The following UPF3B variants were observed in gnomAD, a reference collection of about 807,000 sequenced individuals.
UPF3B encodes UPF3B regulator of nonsense mediated mRNA decay.
In UPF3B, 7 loss-of-function variants were observed where a neutral mutation model predicts 40.3. The ratio of observed to expected loss-of-function variants is 0.17; its 90% CI spans 0.10 to 0.33. UPF3B has a LOEUF of 0.33. UPF3B is among the 10% of genes least tolerant of loss of function. UPF3B has a pLI of 1.00. For synonymous variants in UPF3B, 117 were observed against 117.3 expected (o/e 1.00, Z 0.01); for missense variants, 229 against 358.9 (o/e 0.64, Z 2.93).
chrX:119,849,503 AAGAG>A (rs76336209), intron 3 of UPF3B, among the ~76,000 whole-genome samples: 4 of 101,359 alleles, frequency 3.9e-5, no homozygotes, highest in South Asian at 4.5e-4. Flanking sequence ...CAAAAAAAAA[AAGAG>A]AGAGAGAGAG....
chrX:119,847,165 T>C (rs1446752798), intron 3 of UPF3B, among the ~76,000 whole-genome samples: 2 of 112,232 alleles, frequency 1.8e-5, no homozygotes, highest in Non-Finnish European at 3.8e-5. Context: ...GGAACACTCA[T>C]GTATTGGTGG....
chrX:119,819,366 A>G (rs778039011), intron 4 of UPF3B, among the ~76,000 whole-genome samples: 2 of 110,889 alleles, frequency 1.8e-5, no homozygotes, highest in African/African-American at 6.5e-5. Context: ...CCTGCTTATT[A>G]TAAGAGTGTT....
chrX:119,829,296 G>A (rs1196876325), downstream of UPF3B, among the ~76,000 whole-genome samples: 1 of 112,435 alleles, frequency 8.9e-6, no homozygotes. Flanking sequence ...CTGAATTACA[G>A]GCGTCAGCCA....
intron 4 of UPF3B, 74 bp from the exon 5 acceptor site, chrX:119,843,375 G>T: frequency 1.4e-6 from 1 of 695,275 alleles, no homozygotes; most frequent in South Asian, 2.4e-5. Flanking sequence ...CTACAATACT[G>T]ATTTATCAAA....
intron 10 of UPF3B, among the ~76,000 whole-genome samples, chrX:119,836,796 G>A (rs1486109780): frequency 4.6e-5 from 5 of 107,891 alleles, no homozygotes; most frequent in African/African-American, 1.7e-4. Context: ...GACTACAGGC[G>A]CCCGCCACCA....
At chrX:119,820,269 G>C (rs2055902789) in intron 4 of UPF3B, among the ~76,000 whole-genome samples, 1 of 111,633 alleles carries the variant, frequency 9.0e-6, no homozygotes, top group Non-Finnish European at 1.9e-5. Context: ...TGAGCCTCCT[G>C]AGAAGTTTGG....
intron 5 of UPF3B, among the ~76,000 whole-genome samples, chrX:119,842,580 T>TCTCA (rs1556379941): frequency 2.0e-3 from 142 of 71,466 alleles, no homozygotes; most frequent in African/African-American, 8.2e-3. Context: ...ACTCCATCTC[T>TCTCA]CACACACACA....
chrX:119,845,427 A>G, intron 3 of UPF3B, 131 bp from the exon 4 acceptor site: 1 of 515,853 alleles, frequency 1.9e-6, no homozygotes, highest in East Asian at 3.7e-5. Flanking sequence ...CAAAGGCATA[A>G]AGCACACTGG....
chrX:119,824,177 G>A (rs759553900), intron 3 of UPF3B, among the ~76,000 whole-genome samples: 1,211 of 97,329 alleles, frequency 0.012, 15 homozygotes, highest in African/African-American at 0.044. Flanking sequence ...TTTCTCCAGC[G>A]ACACTTGCAG....
At chrX:119,843,148 T>G (rs761588356) in intron 5 of UPF3B, 43 bp downstream of exon 5, 10 of 896,449 alleles carry the variant, frequency 1.1e-5, no homozygotes, top group African/African-American at 2.0e-5. Context: ...ACTTAGGTAC[T>G]GTGATGAAAA....
chrX:119,843,369 A>C (rs2496213), intron 4 of UPF3B, 68 bp from the exon 5 acceptor site: 1 of 763,485 alleles, frequency 1.3e-6, no homozygotes, highest in African/African-American at 2.0e-5. Flanking sequence ...CATTATCTAC[A>C]ATACTGATTT....
Position 119,841,067 on chromosome X carries a change from T to C in UPF3B, c.807+9A>G, listed in dbSNP as rs368175358. On this transcript the variant is annotated intron_variant, in intron 7 of 10. Transcript: ENST00000276201. ...TAGCAACATGCAGTCAGTTTCAACA[T>C]TCTTATACCTTAATCTTTGGTTCAT... is the stretch of plus-strand genomic sequence containing the variant. The C allele has an allele frequency of 1.7e-6, 2 of 1,209,431 alleles. No individual in the cohort carries two copies. The highest frequency in any genetic ancestry group is 3.5e-5 in the African/African-American group (2 of 57,763).
At chrX:119,821,957 G>A (rs2055924939) in intron 4 of UPF3B, among the ~76,000 whole-genome samples, 1 of 111,995 alleles carries the variant, frequency 8.9e-6, no homozygotes, top group Non-Finnish European at 1.9e-5. Context: ...CATTGGTGCA[G>A]TTTCCTTCCT....
At chrX:119,813,587 A>T (rs2055841451) in intron 5 of UPF3B, among the ~76,000 whole-genome samples, 1 of 97,694 alleles carries the variant, frequency 1.0e-5, no homozygotes, top group Non-Finnish European at 2.0e-5. Context: ...TTTGAGATGG[A>T]GTCTCGCTCT....
rs751873643 is a variant in UPF3B, at chrX:119,845,305, A to G, written c.371-9T>C. 4 of 1,163,044 alleles carry G rather than the reference A, an allele frequency of 3.4e-6. No homozygotes were observed. The highest frequency in any genetic ancestry group is 4.7e-6 in the Non-Finnish European group (4 of 855,254). On this transcript the variant is annotated splice_polypyrimidine_tract_variant and intron_variant, in intron 3 of 10. Transcript: ENST00000276201. Reference sequence around the variant, plus strand: ...AGCGGGATATTCCTGACCTGTTTAGAAAAAAAATACCACACTTGCTATAAC... The same window carrying G: ...AGCGGGATATTCCTGACCTGTTTAGGAAAAAAATACCACACTTGCTATAAC...
intron 4 of UPF3B, among the ~76,000 whole-genome samples, chrX:119,817,903 C>CT (rs2147758999): frequency 8.9e-6 from 1 of 111,802 alleles, no homozygotes; most frequent in South Asian, 3.7e-4. Context: ...AAATGGATAA[C>CT]TTGTAAGAAA....
At chrX:119,842,656 CAAAA>C (rs200315909) in intron 5 of UPF3B, among the ~76,000 whole-genome samples, 1 of 104,339 alleles carries the variant, frequency 9.6e-6, no homozygotes, top group African/African-American at 3.6e-5. Context: ...AGCAAGCAAG[CAAAA>C]AAAACAAACA....
intron 3 of UPF3B, among the ~76,000 whole-genome samples, chrX:119,846,016 T>TGTA (rs2056225563): frequency 9.0e-6 from 1 of 110,670 alleles, no homozygotes; most frequent in Non-Finnish European, 1.9e-5. Flanking sequence ...AATGTATACA[T>TGTA]TTCATAATGT....
chrX:119,851,423 G>A lies in UPF3B; in HGVS notation c.370+72C>T, dbSNP rs1603372723. The A allele has an allele frequency of 1.2e-5, 9 of 735,595 alleles. No individual in the cohort carries two copies. The East Asian group carries it at 2.6e-4, about 21-fold the overall frequency. 60.6% of individuals were successfully genotyped at this position (735,595 alleles called of 1,213,427 possible). A position where few individuals can be genotyped will look rare whatever the true frequency, so the allele number is the denominator to read the frequency against. On this transcript the variant is annotated intron_variant, in intron 3 of 10. Coordinates refer to ENST00000276201, the MANE Select transcript of UPF3B (RefSeq NM_080632.3). ...AATGTGTAAAACTCTAGGAAGCAAC[G>A]CAATGCACGAGTTGTCTTAAACATA...
Sources: allele counts gnomAD v4.1 joint callset (sites outside exome capture counted in the v4.1 genomes callset), GRCh38; gene constraint gnomAD v4.1.1; transcripts MANE v1.5; gene names NCBI Gene and HGNC (gene_info 2026-07-23, HGNC 2026-07-21).